The following DOCK11 variants were observed in gnomAD, a reference collection of about 807,000 sequenced individuals.
DOCK11 encodes the protein dedicator of cytokinesis 11.
In DOCK11, 70 loss-of-function variants were observed where a neutral mutation model predicts 169.1. The observed-to-expected ratio is 0.41, with a 90% CI of 0.34 to 0.51. The LOEUF is 0.51. DOCK11 is among the 20% of genes least tolerant of loss of function. The probability of loss-of-function intolerance (pLI) is 0.10; values close to 1 mark genes in which losing one functional copy is unlikely to be tolerated. For synonymous variants in DOCK11, 529 were observed against 541.3 expected (o/e 0.98, Z 0.32); for missense variants, 1,166 against 1,538.8 (o/e 0.76, Z 4.05).
intron 21 of DOCK11, 139 bp downstream of exon 21, chrX:118,597,691 T>C (rs2014211422): frequency 3.0e-6 from 2 of 662,660 alleles, no homozygotes; most frequent in African/African-American, 4.4e-5. Flanking sequence ...AAGATAAACA[T>C]GGAATGTGCA....
intron 10 of DOCK11, among the ~76,000 whole-genome samples, chrX:118,568,730 G>T (rs970794539): frequency 9.1e-6 from 1 of 110,103 alleles, no homozygotes; most frequent in African/African-American, 3.3e-5. Flanking sequence ...ATGAGAGTTA[G>T]ATGTGTTTTG....
intron 44 of DOCK11, among the ~76,000 whole-genome samples, chrX:118,657,059 C>G (rs1603169571): frequency 9.0e-6 from 1 of 111,390 alleles, no homozygotes; most frequent in Non-Finnish European, 1.9e-5. Context: ...GTTTTTTTCA[C>G]AAGTGCAGAG....
Position 118,613,745 on chromosome X carries a change from A to T in DOCK11, c.3097-947A>T, listed in dbSNP as rs1397042959. Among the ~76,000 whole-genome samples, 4 of 112,118 alleles carry T rather than the reference A, an allele frequency of 3.6e-5. No homozygotes were observed. In the East Asian group the frequency reaches 1.1e-3, roughly 31 times the overall value. ...CTCAGCTACTTGGGAGACAGGCAGG[A>T]GGATTGTTTAAGGCTGTAGTGCGCT... On this transcript the variant is annotated intron_variant, in intron 28 of 52. Transcript: ENST00000276202.
At chrX:118,672,227 A>G (rs1463556618) in intron 46 of DOCK11, among the ~76,000 whole-genome samples, 2 of 111,837 alleles carry the variant, frequency 1.8e-5, no homozygotes, top group Non-Finnish European at 3.8e-5. Context: ...GACTTGCCAG[A>G]TAAACTATTG....
intron 10 of DOCK11, among the ~76,000 whole-genome samples, chrX:118,571,552 C>G (rs2013273916): frequency 9.1e-6 from 1 of 110,485 alleles, no homozygotes; most frequent in Non-Finnish European, 1.9e-5. Context: ...GTCTCACTGT[C>G]TTGCCTAGGC....
chrX:118,608,249 A>C lies in DOCK11; in HGVS notation c.2770A>C (p.Lys924Gln). The C allele has an allele frequency of 3.3e-6, 4 of 1,207,363 alleles. No individual in the cohort carries two copies. The highest frequency in any genetic ancestry group is 4.5e-6 in the Non-Finnish European group (4 of 894,059). Residue 924 changes from lysine to glutamine, a missense_variant, in exon 26 of 53, where the codon AAA (lysine) becomes CAA (glutamine). Lys to Gln is a moderately conservative substitution (Grantham distance 53). Transcript: ENST00000276202. ...SFIKYSFRPE[K>Q]PSAPQAQLIH... ...TTTGTAGTATAGCTTCCGACCTGAA[A>C]AACCGAGTGCTCCTCAGGCCCAGCT...
chrX:118,599,444 G>A (rs192371800), intron 23 of DOCK11, among the ~76,000 whole-genome samples: 212 of 111,981 alleles, frequency 1.9e-3, no homozygotes, highest in African/African-American at 6.7e-3. Context: ...TAGCCACAAT[G>A]CAGCATCATA....
At chrX:118,676,766 T>C in intron 48 of DOCK11, 29 bp downstream of exon 48, 1 of 1,154,964 alleles carries the variant, frequency 8.7e-7, no homozygotes, top group Non-Finnish European at 1.2e-6. Flanking sequence ...GTTGAAATCA[T>C]TATTTGTTAG....
At position 118,545,398 on chromosome X, in the gene DOCK11, A is replaced by C; in HGVS notation, c.462+6A>C. 8.5e-7 allele frequency: 1 copy of C among 1,171,951 alleles called. No homozygotes were observed. The highest frequency in any genetic ancestry group is 1.9e-5 in the South Asian group (1 of 52,291). Reference sequence around the variant, plus strand: ...AAGACTGTGAGAAAGATGAGGTAAGAATGGGGGCAACAGTTGGGGTAACTG... The same window carrying C: ...AAGACTGTGAGAAAGATGAGGTAAGCATGGGGGCAACAGTTGGGGTAACTG... On this transcript the variant is annotated splice_donor_region_variant and intron_variant, in intron 5 of 52. Coordinates refer to ENST00000276202, the MANE Select transcript of DOCK11 (RefSeq NM_144658.4).
chrX:118,550,192 A>G (rs1319765793), intron 6 of DOCK11, among the ~76,000 whole-genome samples: 1 of 111,836 alleles, frequency 8.9e-6, no homozygotes, highest in African/African-American at 3.3e-5. Flanking sequence ...TAATCCCAGC[A>G]GTTTGGGAAG....
chrX:118,561,569 CT>C, intron 7 of DOCK11, 52 bp downstream of exon 7: 1 of 1,108,851 alleles, frequency 9.0e-7, no homozygotes, highest in Middle Eastern at 2.7e-4. Flanking sequence ...TATTGATAAA[CT>C]TTTAAGAACC....
At chrX:118,635,861 A>G (rs934511121) in intron 35 of DOCK11, among the ~76,000 whole-genome samples, 49 of 112,249 alleles carry the variant, frequency 4.4e-4, no homozygotes, top group African/African-American at 1.6e-3. Context: ...GTGCTGGATT[A>G]CAGATGTGAG....
intron 1 of DOCK11, among the ~76,000 whole-genome samples, chrX:118,524,307 A>G (rs1242905318): frequency 6.3e-5 from 7 of 111,777 alleles, no homozygotes; most frequent in Non-Finnish European, 7.5e-5. Context: ...TTCTCCATCC[A>G]TATTTCAGGC....
At chrX:118,644,511 T>G (rs2015607602) in intron 40 of DOCK11, among the ~76,000 whole-genome samples, 1 of 111,965 alleles carries the variant, frequency 8.9e-6, no homozygotes, top group Non-Finnish European at 1.9e-5. Context: ...AACTAATTCA[T>G]TTAACAAAAA....
At chrX:118,621,009 AACTT>A (rs2014958085) in intron 31 of DOCK11, among the ~76,000 whole-genome samples, 2 of 112,848 alleles carry the variant, frequency 1.8e-5, no homozygotes, top group Non-Finnish European at 3.7e-5. Flanking sequence ...GGACACTTTT[AACTT>A]ACTTTTTAAA....
chrX:118,547,711 C>G (rs1417704143), intron 6 of DOCK11, among the ~76,000 whole-genome samples: 1 of 112,599 alleles, frequency 8.9e-6, no homozygotes, highest in Non-Finnish European at 1.9e-5. Flanking sequence ...AGCCTATGCT[C>G]TTAACCAGTA....
intron 42 of DOCK11, among the ~76,000 whole-genome samples, chrX:118,652,690 CT>C (rs1046862966): frequency 3.6e-5 from 4 of 112,026 alleles, no homozygotes; most frequent in Non-Finnish European, 7.5e-5. Flanking sequence ...AAAAATTCAT[CT>C]GTTGCTTTGT....
intron 23 of DOCK11, among the ~76,000 whole-genome samples, chrX:118,600,519 G>A (rs2014305072): frequency 9.0e-6 from 1 of 111,109 alleles, no homozygotes; most frequent in Non-Finnish European, 1.9e-5. Context: ...ATCATTCTAA[G>A]CATTGGAAAT....
chrX:118,674,229 C>T (rs1223969203), intron 46 of DOCK11, among the ~76,000 whole-genome samples: 5 of 111,192 alleles, frequency 4.5e-5, no homozygotes, highest in Admixed American at 9.6e-5. Flanking sequence ...CAGCTCACCG[C>T]AACCTCCGCC....
Sources: gnomAD v4.1 joint callset for allele counts (sites outside exome capture counted in the v4.1 genomes callset) on GRCh38, gnomAD v4.1.1 for gene constraint, MANE v1.5 for transcripts, NCBI Gene and HGNC (gene_info 2026-07-23, HGNC 2026-07-21) for gene names.